The following ABCB5 variants were observed in gnomAD, a reference collection of about 807,000 sequenced individuals.
ABCB5 encodes the protein ATP-binding cassette sub-family B member 5.
Under a neutral mutation model 144.2 loss-of-function variants are expected in ABCB5, and 155 were observed. The observed-to-expected ratio is 1.08, with a 90% CI of 0.94 to 1.23. ABCB5 has a LOEUF of 1.23. ABCB5 is among the 50% of genes most tolerant of loss of function. The probability of loss-of-function intolerance (pLI) is 0.00; values close to 1 mark genes in which losing one functional copy is unlikely to be tolerated. For synonymous variants in ABCB5, 610 were observed against 528.6 expected, an observed-to-expected ratio of 1.15 and a Z score of -2.11; for missense variants, 1,830 against 1,520.8, an observed-to-expected ratio of 1.20 and a Z score of -3.38.
chr7:20,651,311 G>T lies in ABCB5; in HGVS notation c.1333-109G>T, dbSNP rs534302753. 47 of 991,948 alleles carry T rather than the reference G, an allele frequency of 4.7e-5. No individual in the cohort carries two copies. The South Asian group carries it at 7.2e-4, about 15-fold the overall frequency. The allele number at this position is 991,948 out of a possible 1,614,324, so 61.4% of individuals were successfully genotyped here. A position where few individuals can be genotyped will look rare whatever the true frequency, so the allele number is the denominator to read the frequency against. ...TTTTATCAAAATATAGTCAGTCTTT[G>T]ATTTCTAAAATATGCTACTTCTCAG... On this transcript the variant is annotated intron_variant, in intron 12 of 27. Transcript: ENST00000404938.
At position 20,698,449 on chromosome 7, in the gene ABCB5, A is replaced by G. The variant is rs781146441; in HGVS notation, c.2053A>G (p.Asn685Asp). The change falls in exon 17 of 28, where the codon AAC becomes GAC. Residue 685 changes from asparagine (N) to aspartate (D), a missense_variant. By Grantham distance (23) the Asn-to-Asp change is conservative. Coordinates refer to ENST00000404938, the MANE Select transcript of ABCB5 (RefSeq NM_001163941.2). ...CTCTCTATTAAAAATTTTAAAGTTA[A>G]ACAAGCCTGAATGGCCTTTTGTGGT... ...EVSLLKILKL[N>D]KPEWPFVVLG... The G allele has an allele frequency of 6.3e-7, 1 of 1,590,496 alleles. No homozygotes were observed. Among genetic ancestry groups the G allele is most frequent in the South Asian group, 1.2e-5 (1 of 85,580 alleles).
intron 20 of ABCB5, among the ~76,000 whole-genome samples, chr7:20,705,160 G>C (rs1786779541): frequency 6.6e-6 from 1 of 152,056 alleles, no homozygotes; most frequent in Admixed American, 6.6e-5. Context: ...ATAAGAAAAA[G>C]GTTTAGTTTT....
At chr7:20,697,566 G>A (rs1287154794) in intron 16 of ABCB5, among the ~76,000 whole-genome samples, 1 of 152,132 alleles carries the variant, frequency 6.6e-6, no homozygotes, top group African/African-American at 2.4e-5. Context: ...TCTGACCACT[G>A]TGACCACTAC....
Position 20,645,761 on chromosome 7 carries a change from C to A in ABCB5, c.684C>A (p.Val228=). The A allele has an allele frequency of 6.2e-7, 1 of 1,613,650 alleles. No homozygotes were observed. The highest frequency in any genetic ancestry group is 1.1e-5 in the South Asian group (1 of 91,022). The change falls in exon 8 of 28, where the codon GTC becomes GTA. Residue 228 remains valine (V), a synonymous_variant. Transcript: ENST00000404938. ...GTGGTTGTGGTTTATTACAGATGGT[C>A]ATCTCATTGACCAGTAAGGAATTAA... ...MASAAACSRM[V]ISLTSKELSA...
chr7:20,628,780 G>T lies in ABCB5; in HGVS notation c.201G>T (p.Leu67=), dbSNP rs114276553. The T allele has an allele frequency of 3.7e-6, 6 of 1,613,612 alleles. No individual in the cohort carries two copies. The highest frequency in any genetic ancestry group is 5.1e-6 in the Non-Finnish European group (6 of 1,179,788). Residue 67 remains leucine (L), a synonymous_variant, in exon 4 of 28, where the codon CTG becomes CTT. Transcript: ENST00000404938. ...VNGACLPLMP[L]VLGEMSDNLI... ...GAGCCTGCCTTCCTTTAATGCCACT[G>T]GTTTTAGGAGAAATGAGTGATAACC...
rs1406657803 is a variant in ABCB5, at chr7:20,661,534, C to CTCTTTTTTTT, written c.1707+2859_1707+2860insCTTTTTTTTT. Among the ~76,000 whole-genome samples the CTCTTTTTTTT allele has an allele frequency of 3.1e-3, 406 of 132,230 alleles. 8 individuals carry two copies. The highest frequency in any genetic ancestry group is 4.8e-3 in the African/African-American group (149 of 31,046). 86.7% of individuals were successfully genotyped at this position (132,230 alleles called of 152,430 possible). A position where few individuals can be genotyped will look rare whatever the true frequency, so the allele number is the denominator to read the frequency against. ...TATTCTTTTTTGCTTTCTTTCTTTT[C>CTCTTTTTTTT]TTTTTCTTTTTTTTTTTTTGAGACC... On this transcript the variant is annotated intron_variant, in intron 14 of 27. Coordinates refer to ENST00000404938, the MANE Select transcript of ABCB5 (RefSeq NM_001163941.2).
At chr7:20,729,461 G>C (rs1782141363) in intron 23 of ABCB5, among the ~76,000 whole-genome samples, 1 of 152,134 alleles carries the variant, frequency 6.6e-6, no homozygotes. Flanking sequence ...GTCACATTTG[G>C]AATTGAATGT....
chr7:20,735,411 CTT>C (rs1782351921), intron 23 of ABCB5, among the ~76,000 whole-genome samples: 1 of 152,206 alleles, frequency 6.6e-6, no homozygotes, highest in Non-Finnish European at 1.5e-5. Context: ...GCACCATCAT[CTT>C]TGCCCTAGGA....
At chr7:20,653,865 C>T (rs1207871309) in intron 13 of ABCB5, among the ~76,000 whole-genome samples, 2 of 152,150 alleles carry the variant, frequency 1.3e-5, no homozygotes, top group East Asian at 1.9e-4. Flanking sequence ...GCTGCGGGGG[C>T]GTTGAAAGTG....
intron 13 of ABCB5, 123 bp from the exon 14 acceptor site, chr7:20,658,383 G>A: frequency 1.4e-6 from 1 of 730,992 alleles, no homozygotes; most frequent in Non-Finnish European, 2.1e-6. Flanking sequence ...AAAGACATAA[G>A]CACCCAGAGG....
chr7:20,690,799 T>C (rs1786194850), intron 16 of ABCB5, among the ~76,000 whole-genome samples: 2 of 152,048 alleles, frequency 1.3e-5, no homozygotes, highest in Admixed American at 6.5e-5. Flanking sequence ...TCCTAACAAA[T>C]GGCTGGCAAA....
chr7:20,725,319 G>A (rs912472423), intron 21 of ABCB5, among the ~76,000 whole-genome samples: 10 of 152,316 alleles, frequency 6.6e-5, no homozygotes, highest in East Asian at 1.9e-4. Flanking sequence ...GCTGGCTTAC[G>A]CCTGTAATCC....
chr7:20,666,468 C>T (rs1449006519), intron 14 of ABCB5, among the ~76,000 whole-genome samples: 2 of 152,178 alleles, frequency 1.3e-5, no homozygotes, highest in Non-Finnish European at 2.9e-5. Flanking sequence ...ATAACCATCA[C>T]TGGTGAGAAT....
intron 5 of ABCB5, among the ~76,000 whole-genome samples, chr7:20,639,541 T>C (rs1459086847): frequency 6.6e-6 from 1 of 152,194 alleles, no homozygotes; most frequent in Admixed American, 6.5e-5. Context: ...AGGTAATGGT[T>C]TAAATTTATT....
chr7:20,715,681 A>AT (rs1261269840), intron 20 of ABCB5, among the ~76,000 whole-genome samples: 1 of 150,588 alleles, frequency 6.6e-6, no homozygotes, highest in Non-Finnish European at 1.5e-5. Context: ...AAGTGCTGGG[A>AT]TTATAAGTAT....
At chr7:20,738,930 T>G in intron 23 of ABCB5, 53 bp from the exon 24 acceptor site, 1 of 1,505,058 alleles carries the variant, frequency 6.6e-7, no homozygotes, top group East Asian at 2.3e-5. Context: ...AGAGTTCTAC[T>G]GTTTTACAAA....
rs1177610602 is a variant in ABCB5, at chr7:20,659,270, C to T, written c.1707+594C>T. 2.7e-5 allele frequency: 40 copies of T among 1,479,798 alleles called. No individual in the cohort carries two copies. The Admixed American group carries it at 5.9e-4, about 22-fold the overall frequency. 91.7% of individuals were successfully genotyped at this position (1,479,798 alleles called of 1,614,324 possible). ...AATCTAGGAGGGGAGTTGGCAGTGGCGGTATGAAAAACCATTGAACAGTTT... is the reference window on the plus strand; with the variant it reads ...AATCTAGGAGGGGAGTTGGCAGTGGTGGTATGAAAAACCATTGAACAGTTT... On this transcript the variant is annotated intron_variant, in intron 14 of 27. Coordinates refer to ENST00000404938, the MANE Select transcript of ABCB5 (RefSeq NM_001163941.2).
intron 20 of ABCB5, among the ~76,000 whole-genome samples, chr7:20,717,433 T>A (rs1781710491): frequency 6.8e-6 from 1 of 146,408 alleles, no homozygotes; most frequent in Non-Finnish European, 1.5e-5. Context: ...TGTCCAGATT[T>A]CCTCTTTTTT....
At chr7:20,688,402 C>T (rs567322540) in intron 16 of ABCB5, among the ~76,000 whole-genome samples, 36 of 151,970 alleles carry the variant, frequency 2.4e-4, no homozygotes, top group Non-Finnish European at 3.7e-4. Context: ...AGTTGGGTAG[C>T]GAAAGTTAAG....
Sources: gnomAD v4.1 joint callset for allele counts (sites outside exome capture counted in the v4.1 genomes callset) on GRCh38, gnomAD v4.1.1 for gene constraint, MANE v1.5 for transcripts, NCBI Gene and HGNC (gene_info 2026-07-23, HGNC 2026-07-21) for gene names.